Variants in CDK8 observed in about 807,000 individuals in gnomAD.
The protein encoded by CDK8 is cyclin-dependent kinase 8.
CDK8 carries 29 observed loss-of-function variants against 71.5 expected under a neutral mutation model. The ratio of observed to expected loss-of-function variants is 0.41; its 90% CI spans 0.30 to 0.55. CDK8 has a LOEUF of 0.55. CDK8 is among the 20% of genes least tolerant of loss of function. The pLI, the probability that CDK8 is intolerant of heterozygous loss-of-function variation, is 0.37. For synonymous variants in CDK8, 161 were observed against 192.1 expected (o/e 0.84, Z 1.34); for missense variants, 288 against 572.6 (o/e 0.50, Z 5.07).
chr13:26,320,146 T>TC (rs1454590632), intron 1 of CDK8, among the ~76,000 whole-genome samples: 1 of 152,002 alleles, frequency 6.6e-6, no homozygotes, highest in African/African-American at 2.4e-5. Context: ...ATGCTTGTAA[T>TC]CCCAGCACTT....
At chr13:26,365,525 A>G (rs1225321139) in intron 4 of CDK8, among the ~76,000 whole-genome samples, 1 of 152,166 alleles carries the variant, frequency 6.6e-6, no homozygotes, top group Non-Finnish European at 1.5e-5. Flanking sequence ...TTTGCATATT[A>G]CTTAGACATC....
chr13:26,273,233 T>G (rs1488771816), intron 1 of CDK8, among the ~76,000 whole-genome samples: 6 of 152,214 alleles, frequency 3.9e-5, no homozygotes, highest in Non-Finnish European at 8.8e-5. Flanking sequence ...ATTTTTCTGG[T>G]CTCTCAATAT....
intron 1 of CDK8, among the ~76,000 whole-genome samples, chr13:26,263,246 C>G (rs1242431290): frequency 2.0e-5 from 3 of 152,156 alleles, no homozygotes; most frequent in Non-Finnish European, 4.4e-5. Context: ...CGCCATTCTC[C>G]TGCCTCAGCC....
intron 1 of CDK8, among the ~76,000 whole-genome samples, chr13:26,320,901 G>A (rs996677978): frequency 6.6e-6 from 1 of 152,086 alleles, no homozygotes; most frequent in Non-Finnish European, 1.5e-5. Flanking sequence ...GGAGAAATTG[G>A]AACTCTTGTG....
rs7324470 is a variant in CDK8, at chr13:26,352,418, G to T, written c.316-1322G>T. Among the ~76,000 whole-genome samples, 997 of 152,068 alleles carry T rather than the reference G, an allele frequency of 6.6e-3. 10 individuals carry two copies. Among genetic ancestry groups the T allele is most frequent in the African/African-American group, 0.021 (865 of 41,494 alleles). ...TTTTTAGTAGAGACGGGGTTTCACC[G>T]TGTTAGCCAGGATGGTCTTGATCTC... On this transcript the variant is annotated intron_variant, in intron 3 of 12. Transcript: ENST00000381527.
chr13:26,331,455 TTGTC>T (rs1875311284), intron 1 of CDK8, among the ~76,000 whole-genome samples: 1 of 152,202 alleles, frequency 6.6e-6, no homozygotes, highest in African/African-American at 2.4e-5. Context: ...TAAAGTCTCA[TTGTC>T]TGTTTTTGGT....
chr13:26,401,433 C>G lies in CDK8; in HGVS notation c.1111-33C>G. The G allele has an allele frequency of 6.2e-7, 1 of 1,613,964 alleles. No homozygotes were observed. The highest frequency in any genetic ancestry group is 1.7e-5 in the Admixed American group (1 of 60,014). On this transcript the variant is annotated intron_variant, in intron 11 of 12. Transcript: ENST00000381527. The surrounding 1 kb of genome is among the most constrained non-coding windows in gnomAD (Gnocchi z 4.5). ...ATTGTGGGTATATTTTGTTCTCCCT[C>G]TGAGCTGAACTTTTTCTGTTTAACC...
intron 7 of CDK8, among the ~76,000 whole-genome samples, chr13:26,395,100 T>G (rs1475505853): frequency 3.9e-5 from 6 of 152,208 alleles, no homozygotes; most frequent in Non-Finnish European, 5.9e-5. Context: ...GTGTAGTGTA[T>G]GTTTAGTTTA....
chr13:26,380,327 G>A (rs1875160107), intron 4 of CDK8, among the ~76,000 whole-genome samples: 1 of 151,834 alleles, frequency 6.6e-6, no homozygotes, highest in Non-Finnish European at 1.5e-5. Flanking sequence ...TTACAGGCAC[G>A]CACCACCACG....
At chr13:26,361,324 C>T (rs1223440675) in intron 4 of CDK8, among the ~76,000 whole-genome samples, 1 of 152,156 alleles carries the variant, frequency 6.6e-6, no homozygotes, top group East Asian at 1.9e-4. Flanking sequence ...TATTACTTGT[C>T]ATAATATATT....
At chr13:26,357,749 A>T (rs556496840) in intron 4 of CDK8, among the ~76,000 whole-genome samples, 1 of 152,216 alleles carries the variant, frequency 6.6e-6, no homozygotes, top group Admixed American at 6.5e-5. Context: ...CTGGAGACCC[A>T]GGAAAAAGTT....
At chr13:26,395,087 G>A (rs968082282) in intron 7 of CDK8, among the ~76,000 whole-genome samples, 1 of 152,194 alleles carries the variant, frequency 6.6e-6, no homozygotes, top group Admixed American at 6.5e-5. Flanking sequence ...ATTCCATTTA[G>A]GAGTGTAGTG....
At chr13:26,264,982 T>C (rs756467854) in intron 1 of CDK8, among the ~76,000 whole-genome samples, 1 of 152,254 alleles carries the variant, frequency 6.6e-6, no homozygotes, top group Non-Finnish European at 1.5e-5. Context: ...AATCTGCTGA[T>C]GGACACTTAG....
intron 5 of CDK8, among the ~76,000 whole-genome samples, chr13:26,383,681 G>T (rs1264755035): frequency 1.3e-5 from 2 of 152,130 alleles, no homozygotes; most frequent in African/African-American, 4.8e-5. Flanking sequence ...CAGCTGATTT[G>T]TATCACTTCA....
intron 1 of CDK8, among the ~76,000 whole-genome samples, chr13:26,271,243 G>C (rs1872306743): frequency 6.6e-6 from 1 of 152,136 alleles, no homozygotes; most frequent in African/African-American, 2.4e-5. Context: ...AAATACAGTT[G>C]TGTGTTGCTT....
chr13:26,332,754 A>G (rs1015614028), intron 1 of CDK8, among the ~76,000 whole-genome samples: 5 of 152,102 alleles, frequency 3.3e-5, no homozygotes, highest in Non-Finnish European at 7.4e-5. Flanking sequence ...TATTCCTTCT[A>G]TGCCTAGTTT....
At chr13:26,375,310 C>G (rs118023663) in intron 4 of CDK8, among the ~76,000 whole-genome samples, 1 of 152,246 alleles carries the variant, frequency 6.6e-6, no homozygotes, top group Non-Finnish European at 1.5e-5. Flanking sequence ...GCTTAGAAAA[C>G]AAAACACGAA....
Position 26,393,226 on chromosome 13 carries a change from T to C in CDK8, c.647-141T>C, listed in dbSNP as rs369692411. The C allele has an allele frequency of 5.4e-5, 31 of 577,358 alleles. 1 individual carries two copies. In the South Asian group the frequency reaches 6.7e-4, roughly 12 times the overall value. 35.8% of individuals were successfully genotyped at this position (577,358 alleles called of 1,614,324 possible). ...ATTGCTTAGGAATTAATATGAGTTA[T>C]TAGGGAAAGAAAGAAAAAAACACTC... is the stretch of plus-strand genomic sequence containing the variant. On this transcript the variant is annotated intron_variant, in intron 6 of 12. Transcript: ENST00000381527.
chr13:26,316,207 A>C (rs1874504616), intron 1 of CDK8, among the ~76,000 whole-genome samples: 1 of 152,176 alleles, frequency 6.6e-6, no homozygotes, highest in African/African-American at 2.4e-5. Flanking sequence ...GAAAATGTAG[A>C]AACTTAGCTG....
Sources: allele counts gnomAD v4.1 joint callset (sites outside exome capture counted in the v4.1 genomes callset), GRCh38; gene constraint gnomAD v4.1.1; non-coding constraint Gnocchi (gnomAD v3.1); transcripts MANE v1.5; gene names NCBI Gene and HGNC (gene_info 2026-07-23, HGNC 2026-07-21).